NBAS: variants seen among roughly 807,000 people sequenced by gnomAD.
The protein encoded by NBAS is NAG/BC035112 fusion.
Under a neutral mutation model 302.5 loss-of-function variants are expected in NBAS, and 219 were observed. The ratio of observed to expected loss-of-function variants is 0.72; its 90% CI spans 0.65 to 0.81. The LOEUF (loss-of-function observed/expected upper bound fraction) is 0.81, where lower values mean the gene tolerates loss of function less well. NBAS is among the 30% of genes least tolerant of loss of function. NBAS has a pLI of 0.00. For missense variants in NBAS, 2,932 were observed against 2,841.6 expected, an observed-to-expected ratio of 1.03 and a Z score of -0.72; for synonymous variants, 1,118 against 1,021.6, an observed-to-expected ratio of 1.09 and a Z score of -1.80.
the NBAS span, among the ~76,000 whole-genome samples, chr2:15,018,334 G>A: frequency 6.6e-6 from 1 of 151,966 alleles, no homozygotes; most frequent in African/African-American, 2.4e-5. Flanking sequence ...TGTTTGAGAT[G>A]ATGGATCTGC....
chr2:15,499,090 A>G (rs988228926), intron 11 of NBAS, among the ~76,000 whole-genome samples: 1 of 152,018 alleles, frequency 6.6e-6, no homozygotes, highest in Non-Finnish European at 1.5e-5. Context: ...CACCACACCC[A>G]GCTAATTTTT....
chr2:15,420,396 T>G (rs1349207751), intron 23 of NBAS, among the ~76,000 whole-genome samples: 3 of 151,786 alleles, frequency 2.0e-5, no homozygotes, highest in Non-Finnish European at 4.4e-5. Flanking sequence ...TCTGGGGAAA[T>G]GAGAAGTAAA....
intron 44 of NBAS, among the ~76,000 whole-genome samples, chr2:15,244,072 T>C (rs1406855273): frequency 6.6e-6 from 1 of 151,938 alleles, no homozygotes; most frequent in Non-Finnish European, 1.5e-5. Flanking sequence ...CCCCTTTAAG[T>C]GGAGAGAGAG....
intron 30 of NBAS, among the ~76,000 whole-genome samples, chr2:15,375,725 G>C (rs1220089960): frequency 3.9e-5 from 6 of 152,034 alleles, no homozygotes; most frequent in African/African-American, 1.4e-4. Context: ...ATTACAGATA[G>C]GCTCGCACAT....
In NBAS at chr2:15,366,554, T is replaced by A. The variant is rs373681929; in HGVS notation, c.3817+26A>T. The A allele has an allele frequency of 2.7e-5, 42 of 1,571,784 alleles. No homozygotes were observed. In the East Asian group the frequency reaches 7.2e-4, roughly 27 times the overall value. On this transcript the variant is annotated intron_variant, in intron 32 of 51. Transcript: ENST00000281513. ...CAAGAATAACATAGAAAGCTTATTC[T>A]GCAGTTTAGTACTCAAAAGACTTAC...
In NBAS at chr2:15,478,174, A is replaced by G; in HGVS notation, c.1147+52T>C. On this transcript the variant is annotated intron_variant, in intron 13 of 51. Transcript: ENST00000281513. ...TTATATCATCCAAAGAGAATCTTGT[A>G]TAATAATAGGAGTATATTAAGGTTT... 3.3e-6 allele frequency: 4 copies of G among 1,205,166 alleles called. No homozygotes were observed. The Admixed American group carries it at 5.2e-5, about 16-fold the overall frequency. The allele number at this position is 1,205,166 out of a possible 1,614,324, so 74.7% of individuals were successfully genotyped here. A position where few individuals can be genotyped will look rare whatever the true frequency, so the allele number is the denominator to read the frequency against.
At chr2:14,887,661 C>T in the NBAS span, among the ~76,000 whole-genome samples, 8 of 152,144 alleles carry the variant, frequency 5.3e-5, no homozygotes, top group African/African-American at 1.9e-4. Context: ...GAATATATCA[C>T]TTCCTCTCCA....
chr2:15,187,946 T>C (rs1173989440), intron 49 of NBAS, among the ~76,000 whole-genome samples: 1 of 152,224 alleles, frequency 6.6e-6, no homozygotes, highest in African/African-American at 2.4e-5. Context: ...CACACAGTTC[T>C]GTGAGAGTGT....
At chr2:15,344,474 C>T (rs1355574933) in intron 35 of NBAS, among the ~76,000 whole-genome samples, 1 of 151,988 alleles carries the variant, frequency 6.6e-6, no homozygotes, top group African/African-American at 2.4e-5. Flanking sequence ...AAAGGTGAAT[C>T]CCGGAAATAG....
the NBAS span, among the ~76,000 whole-genome samples, chr2:14,862,716 C>T: frequency 8.1e-3 from 1,236 of 152,312 alleles, 8 homozygotes; most frequent in Non-Finnish European, 0.013. Flanking sequence ...TTTCCCAACA[C>T]AGCTTTTATT....
intron 28 of NBAS, among the ~76,000 whole-genome samples, chr2:15,387,252 A>G (rs887100354): frequency 5.9e-5 from 9 of 152,026 alleles, no homozygotes; most frequent in African/African-American, 1.9e-4. Context: ...TATTTTTAGT[A>G]GAGACAAGGT....
intron 44 of NBAS, among the ~76,000 whole-genome samples, chr2:15,259,132 T>C (rs1357927290): frequency 2.6e-5 from 4 of 152,214 alleles, no homozygotes; most frequent in South Asian, 4.1e-4. Flanking sequence ...AAAAAATAAC[T>C]GAATATAGAT....
At chr2:15,110,441 C>T in the NBAS span, among the ~76,000 whole-genome samples, 1 of 152,188 alleles carries the variant, frequency 6.6e-6, no homozygotes, top group Non-Finnish European at 1.5e-5. Flanking sequence ...TTGGGAGTAG[C>T]ATATGTAAAG....
Position 15,190,288 on chromosome 2 carries a change from C to G in NBAS, c.6548G>C (p.Trp2183Ser), listed in dbSNP as rs2125139419. The change falls in exon 49 of 52, where the codon TGG (tryptophan) becomes TCG (serine). Residue 2183 changes from tryptophan (W) to serine (S), a missense_variant. By Grantham distance (177) the Trp-to-Ser change is radical. Coordinates refer to ENST00000281513, the MANE Select transcript of NBAS (RefSeq NM_015909.4). Reference protein sequence around the residue: ...FQHLVLLLQAWPPMKSEYVIT... With the variant: ...FQHLVLLLQASPPMKSEYVIT... ...CACATATTCACTTTTCATAGGTGGC[C>G]AAGCTTGCAAAAGTAAAACCAAGTG... The G allele has an allele frequency of 6.2e-7, 1 of 1,613,850 alleles. No individual in the cohort carries two copies. The highest frequency in any genetic ancestry group is 1.7e-5 in the Admixed American group (1 of 59,992).
At chr2:14,894,111 GT>G in the NBAS span, among the ~76,000 whole-genome samples, 1 of 152,112 alleles carries the variant, frequency 6.6e-6, no homozygotes, top group South Asian at 2.1e-4. Context: ...GACTCTATCA[GT>G]GTTATTTTTT....
At chr2:15,102,536 C>T in the NBAS span, among the ~76,000 whole-genome samples, 3 of 152,316 alleles carry the variant, frequency 2.0e-5, no homozygotes, top group South Asian at 4.1e-4. Flanking sequence ...AATTCCCCTA[C>T]CCAATAATGA....
chr2:15,293,835 G>A (rs1322693514), intron 40 of NBAS, among the ~76,000 whole-genome samples: 10 of 152,164 alleles, frequency 6.6e-5, no homozygotes, highest in Non-Finnish European at 1.0e-4. Context: ...ATCTGGGAGT[G>A]CTGATAAAAA....
chr2:14,874,738 A>T, the NBAS span, among the ~76,000 whole-genome samples: 1 of 151,778 alleles, frequency 6.6e-6, no homozygotes, highest in East Asian at 1.9e-4. Flanking sequence ...CTCCAAGCAT[A>T]GATGTAAAAA....
chr2:15,203,870 C>CTG (rs139907737), intron 48 of NBAS, among the ~76,000 whole-genome samples: 141 of 128,190 alleles, frequency 1.1e-3, no homozygotes, highest in South Asian at 7.1e-3. Flanking sequence ...GTGTCTGTGT[C>CTG]TGTGTGTGTG....
Sources: gnomAD v4.1 joint callset for allele counts (sites outside exome capture counted in the v4.1 genomes callset) on GRCh38, gnomAD v4.1.1 for gene constraint, MANE v1.5 for transcripts, NCBI Gene and HGNC (gene_info 2026-07-23, HGNC 2026-07-21) for gene names.